The following ASIP variants were observed in gnomAD, a reference collection of about 807,000 sequenced individuals.
ASIP encodes agouti-signaling protein.
ASIP carries 11 observed loss-of-function variants against 10.3 expected under a neutral mutation model. That is an observed-to-expected ratio of 1.07 (90% confidence interval 0.68 to 1.78). The LOEUF (loss-of-function observed/expected upper bound fraction) is 1.78. ASIP is among the 40% of genes most tolerant of loss of function. ASIP has a pLI of 0.00. For missense variants in ASIP, 180 were observed against 169.2 expected, an observed-to-expected ratio of 1.06 and a Z score of -0.35; for synonymous variants, 70 against 70.8, an observed-to-expected ratio of 0.99 and a Z score of 0.06.
chr20:34,207,259 G>T (rs1445994972), intron 1 of ASIP, among the ~76,000 whole-genome samples: 2 of 152,172 alleles, frequency 1.3e-5, no homozygotes, highest in African/African-American at 4.8e-5. Flanking sequence ...GAGATGAGAT[G>T]AAATCTCACT....
chr20:34,201,044 CTTTCTTTCTTTCTTT>C (rs2034894870), intron 1 of ASIP, among the ~76,000 whole-genome samples: 1 of 106,944 alleles, frequency 9.4e-6, no homozygotes, highest in Non-Finnish European at 1.9e-5. Flanking sequence ...TTCTTTCTTT[CTTTCTTTCTTTCTTT>C]CTTTTTTTTC....
intron 1 of ASIP, among the ~76,000 whole-genome samples, chr20:34,212,716 T>C (rs1012810752): frequency 3.9e-5 from 6 of 152,212 alleles, no homozygotes; most frequent in South Asian, 2.1e-4. Flanking sequence ...TTTTGTGTGA[T>C]AGAATTATTT....
chr20:34,245,835 CTG>C (rs2035365539), intron 1 of ASIP: 1 of 774,122 alleles, frequency 1.3e-6, no homozygotes, highest in African/African-American at 1.9e-5. Flanking sequence ...TACAGTTTTA[CTG>C]TAGAATATAT....
intron 1 of ASIP, among the ~76,000 whole-genome samples, chr20:34,200,082 C>T (rs2034882892): frequency 6.6e-6 from 1 of 152,168 alleles, no homozygotes. Context: ...TCAAGCTTTT[C>T]TTTTAAGATT....
chr20:34,226,614 A>C (rs941860250), intron 1 of ASIP, among the ~76,000 whole-genome samples: 7 of 152,216 alleles, frequency 4.6e-5, no homozygotes, highest in Non-Finnish European at 1.0e-4. Context: ...TCAGCCTCCT[A>C]AAGTGCTAGG....
At chr20:34,267,928 TAA>T (rs566899156) in intron 3 of ASIP, among the ~76,000 whole-genome samples, 1 of 146,560 alleles carries the variant, frequency 6.8e-6, no homozygotes, top group Non-Finnish European at 1.5e-5. Context: ...GTGATTAATT[TAA>T]AAAGTTATTG....
At chr20:34,218,766 C>T (rs958433990) in intron 1 of ASIP, among the ~76,000 whole-genome samples, 4 of 152,066 alleles carry the variant, frequency 2.6e-5, no homozygotes, top group African/African-American at 9.7e-5. Context: ...GGGTTCATGC[C>T]ATTCTCCTGC....
In ASIP at chr20:34,258,690, T is replaced by TATATATATATATATATAC. The variant is rs1250992566; in HGVS notation, c.-10-1674_-10-1673insTATATATATATATATACA. 1.4e-4 allele frequency among the ~76,000 whole-genome samples: 10 copies of TATATATATATATATATAC among 72,302 alleles called. 2 individuals are homozygous for TATATATATATATATATAC. Among genetic ancestry groups the TATATATATATATATATAC allele is most frequent in the South Asian group, 4.1e-4 (1 of 2,460 alleles). 47.4% of individuals were successfully genotyped at this position (72,302 alleles called of 152,430 possible). The stretch of plus-strand genomic sequence containing the variant: ...GGGGGATGCCATATATATATATATA[T>TATATATATATATATATAC]ACATACTATATATATATATTATATA... On this transcript the variant is annotated intron_variant, in intron 1 of 3. Coordinates refer to ENST00000374954, the MANE Select transcript of ASIP (RefSeq NM_001672.3).
chr20:34,256,287 C>T (rs892912201), intron 1 of ASIP, among the ~76,000 whole-genome samples: 2 of 152,170 alleles, frequency 1.3e-5, no homozygotes, highest in African/African-American at 4.8e-5. Context: ...AATAACAGCA[C>T]AGCCAGGCAT....
At chr20:34,203,430 C>T (rs1010338018) in intron 1 of ASIP, among the ~76,000 whole-genome samples, 1 of 121,178 alleles carries the variant, frequency 8.3e-6, no homozygotes, top group South Asian at 3.1e-4. Flanking sequence ...CACGGTTTCA[C>T]TCTGTCACTC....
intron 1 of ASIP, among the ~76,000 whole-genome samples, chr20:34,259,241 G>A (rs2035647275): frequency 6.6e-6 from 1 of 150,796 alleles, no homozygotes. Context: ...AAAACTATAT[G>A]AGCTTGAGTT....
At chr20:34,194,218 AC>A (rs997251128), upstream of ASIP, among the ~76,000 whole-genome samples, 1 of 152,148 alleles carries the variant, frequency 6.6e-6, no homozygotes, top group African/African-American at 2.4e-5. Flanking sequence ...AATAAATGAC[AC>A]TGGGAAATGG....
chr20:34,192,623 A>T (rs541793104), upstream of ASIP, among the ~76,000 whole-genome samples: 8 of 149,802 alleles, frequency 5.3e-5, no homozygotes, highest in Non-Finnish European at 8.8e-5. Context: ...GGAATGGTCT[A>T]TTCTTTTGTG....
chr20:34,205,273 C>A (rs752009440), intron 1 of ASIP, among the ~76,000 whole-genome samples: 4 of 151,926 alleles, frequency 2.6e-5, no homozygotes, highest in Non-Finnish European at 5.9e-5. Context: ...TGTTACAGCT[C>A]TTAAAGGCAT....
chr20:34,265,754 A>T (rs2035773145), intron 3 of ASIP, among the ~76,000 whole-genome samples: 4 of 151,654 alleles, frequency 2.6e-5, no homozygotes, highest in Admixed American at 2.6e-4. Flanking sequence ...ATTTAAGACC[A>T]GTCTGACCAA....
At chr20:34,222,838 C>G (rs1445975177) in intron 1 of ASIP, among the ~76,000 whole-genome samples, 1 of 152,060 alleles carries the variant, frequency 6.6e-6, no homozygotes, top group Non-Finnish European at 1.5e-5. Flanking sequence ...CTGTGTTGGC[C>G]GGGCCGGTCT....
chr20:34,239,196 A>C (rs567644798), upstream of ASIP, among the ~76,000 whole-genome samples: 8 of 151,230 alleles, frequency 5.3e-5, no homozygotes, highest in Non-Finnish European at 1.2e-4. Context: ...CATCAGACTC[A>C]GTATGTTCCT....
chr20:34,215,769 G>C (rs113587761), intron 1 of ASIP: 2 of 1,536,494 alleles, frequency 1.3e-6, no homozygotes, highest in African/African-American at 1.4e-5. Flanking sequence ...CTCTGGGCTA[G>C]AGCTTCTGCA....
intron 1 of ASIP, among the ~76,000 whole-genome samples, chr20:34,235,913 A>AGGAG (rs1295588252): frequency 0.019 from 2,007 of 107,034 alleles, 263 homozygotes; most frequent in East Asian, 0.033. Context: ...GAAGGAAGGA[A>AGGAG]GGAAGGAAGG....
Sources: gnomAD v4.1 joint callset for allele counts (sites outside exome capture counted in the v4.1 genomes callset) on GRCh38, gnomAD v4.1.1 for gene constraint, MANE v1.5 for transcripts, NCBI Gene and HGNC (gene_info 2026-07-23, HGNC 2026-07-21) for gene names.